SUPT6H: variants seen among roughly 807,000 people sequenced by gnomAD.
The protein encoded by SUPT6H is SPT6 homolog, histone chaperone and transcription elongation factor.
In SUPT6H, 11 loss-of-function variants were observed where a neutral mutation model predicts 222.3. The ratio of observed to expected loss-of-function variants is 0.05; its 90% CI spans 0.03 to 0.08. The LOEUF is 0.08. SUPT6H is among the 10% of genes least tolerant of loss of function. The probability of loss-of-function intolerance (pLI) is 1.00; values close to 1 mark genes in which losing one functional copy is unlikely to be tolerated. For missense variants in SUPT6H, 1,422 were observed against 2,216.0 expected, an observed-to-expected ratio of 0.64 and a Z score of 7.19; for synonymous variants, 762 against 801.2, an observed-to-expected ratio of 0.95 and a Z score of 0.83.
chr17:28,674,659 GC>G, intron 4 of SUPT6H, 46 bp downstream of exon 4: 1 of 1,589,042 alleles, frequency 6.3e-7, no homozygotes, highest in Non-Finnish European at 8.6e-7. Flanking sequence ...AAAGGAAAAA[GC>G]CCTGGAAATT....
In SUPT6H at chr17:28,701,440, T is replaced by A; in HGVS notation, c.4996T>A (p.Ser1666Thr). The A allele has an allele frequency of 6.2e-7, 1 of 1,613,126 alleles. No individual in the cohort carries two copies. The highest frequency in any genetic ancestry group is 8.5e-7 in the Non-Finnish European group (1 of 1,179,292). Residue 1666 changes from serine to threonine, a missense_variant and splice_region_variant, in exon 37 of 37, where the codon TCC (serine) becomes ACC (threonine). By Grantham distance (58) the Ser-to-Thr change is moderately conservative (BLOSUM62 1). This residue lies in a region of SUPT6H where 395 missense variants were observed against 580.6 expected (regional missense o/e 0.68). Coordinates refer to ENST00000314616, the MANE Select transcript of SUPT6H (RefSeq NM_003170.5). ...TCTCAACTTTTCTTCCCCTCCCAGG[T>A]CCAACAGCCATGCAGCCATCGACTG... ...SSRQRQQQPK[S>T]NSHAAIDWGK...
At chr17:28,689,286 G>A in intron 24 of SUPT6H, 68 bp from the exon 25 acceptor site, 4 of 1,477,872 alleles carry the variant, frequency 2.7e-6, no homozygotes, top group Non-Finnish European at 3.8e-6. Context: ...TTCCCCATTG[G>A]TGGACATTTG....
chr17:28,684,717 C>T lies in SUPT6H; in HGVS notation c.2361C>T (p.Ser787=). ...TTCGAGTCCTCGGCATTGCTTTCTC[C>T]TCTGCCAGGTAACAGCCTATTTTTG... is the stretch of plus-strand genomic sequence containing the variant. ...KGIRVLGIAF[S]SARDHPVFCA... is the part of the protein sequence containing the mutation. Residue 787 remains serine (S), a synonymous_variant, in exon 18 of 37, where the codon TCC becomes TCT. Coordinates refer to ENST00000314616, the MANE Select transcript of SUPT6H (RefSeq NM_003170.5). 3 of 1,614,232 alleles carry T rather than the reference C, an allele frequency of 1.9e-6. No individual in the cohort carries two copies. The highest frequency in any genetic ancestry group is 2.5e-6 in the Non-Finnish European group (3 of 1,180,046).
rs372505724 is a variant in SUPT6H at position 28,676,187 on chromosome 17, T to C, written c.654T>C (p.Gly218=). ...AALQEAQEIF[G]VDFDYDEFEK... ...TGCAAGAAGCCCAGGAAATCTTCGG[T>C]GTGGACTTTGACTATGATGAATTTG... Residue 218 remains glycine (G), a synonymous_variant, in exon 7 of 37, where the codon GGT becomes GGC. Coordinates refer to ENST00000314616, the MANE Select transcript of SUPT6H (RefSeq NM_003170.5). 16 of 1,603,588 alleles carry C rather than the reference T, an allele frequency of 1.0e-5. No individual in the cohort carries two copies. Among genetic ancestry groups the C allele is most frequent in the Non-Finnish European group, 1.4e-5 (16 of 1,175,030 alleles).
At chr17:28,698,633 C>T (rs1567706260) in intron 32 of SUPT6H, among the ~76,000 whole-genome samples, 1 of 152,242 alleles carries the variant, frequency 6.6e-6, no homozygotes, top group Non-Finnish European at 1.5e-5. Context: ...GTGATACAGA[C>T]TGGTAATCAC....
intron 1 of SUPT6H, among the ~76,000 whole-genome samples, chr17:28,664,702 T>C: frequency 6.6e-6 from 1 of 152,210 alleles, no homozygotes; most frequent in Non-Finnish European, 1.5e-5. Flanking sequence ...ATTATCTCCA[T>C]TTGGATATTT....
chr17:28,700,911 A>C (rs746670005), intron 35 of SUPT6H, 30 bp from the exon 36 acceptor site: 12 of 1,585,258 alleles, frequency 7.6e-6, no homozygotes, highest in Non-Finnish European at 9.5e-6. Context: ...CCCCACACCC[A>C]TCCCTATTTA....
intron 1 of SUPT6H, among the ~76,000 whole-genome samples, chr17:28,665,379 A>T (rs796309380): frequency 4.6e-5 from 7 of 152,302 alleles, no homozygotes; most frequent in African/African-American, 1.7e-4. Flanking sequence ...ATTTGTTGCC[A>T]ATATGTCTCC....
At chr17:28,693,982 G>A (rs2031790948) in intron 28 of SUPT6H, 146 bp downstream of exon 28, 2 of 1,084,532 alleles carry the variant, frequency 1.8e-6, no homozygotes, top group African/African-American at 3.2e-5. Context: ...TTTATAACTA[G>A]TTGAAAGAAG....
At chr17:28,692,023 T>C (rs1230733486) in intron 27 of SUPT6H, among the ~76,000 whole-genome samples, 3 of 151,276 alleles carry the variant, frequency 2.0e-5, no homozygotes, top group African/African-American at 7.3e-5. Flanking sequence ...ATCTCCTTTT[T>C]TAAAAAAAGG....
rs560787222 is a variant in SUPT6H at position 28,680,490 on chromosome 17, G to A, written c.1350-766G>A. ...GTGCGTGCCTGTGATCCCAGCTCGCGAGGCTGAGGCAGGAGAATCTCTTAA... is the reference window on the plus strand; with the variant it reads ...GTGCGTGCCTGTGATCCCAGCTCGCAAGGCTGAGGCAGGAGAATCTCTTAA... On this transcript the variant is annotated intron_variant, in intron 11 of 36. Transcript: ENST00000314616. 4.0e-5 allele frequency among the ~76,000 whole-genome samples: 6 copies of A among 151,836 alleles called. No individual in the cohort carries two copies. In the East Asian group the frequency reaches 5.8e-4, roughly 15 times the overall value.
Position 28,684,848 on chromosome 17 carries a change from C to A in SUPT6H, c.2374C>A (p.His792Asn), listed in dbSNP as rs763759055. The A allele has an allele frequency of 6.2e-6, 10 of 1,614,192 alleles. No homozygotes were observed. The highest frequency in any genetic ancestry group is 8.5e-6 in the Non-Finnish European group (10 of 1,180,030). The change falls in exon 19 of 37, where the codon CAC becomes AAC. Residue 792 changes from histidine (H) to asparagine (N), a missense_variant. Physicochemically the swap from His to Asn is moderately conservative, Grantham distance 68 (BLOSUM62 1). This residue lies in a region of SUPT6H where 294 missense variants were observed against 382.1 expected (regional missense o/e 0.77). Transcript: ENST00000314616. ...GTTTTTCTGTCTGTCTGGCAGAGAT[C>A]ACCCTGTGTTCTGCGCCCTGGTCAA... ...LGIAFSSARD[H>N]PVFCALVNGE...
intron 24 of SUPT6H, 159 bp from the exon 25 acceptor site, chr17:28,689,195 A>G: frequency 1.6e-6 from 1 of 644,594 alleles, no homozygotes; most frequent in South Asian, 2.0e-5. Flanking sequence ...TTTCCATGTC[A>G]GCACACATAG....
rs1039081049 is a variant in SUPT6H at position 28,683,297 on chromosome 17, C to T, written c.1908C>T (p.Ser636=). Residue 636 remains serine (S), a synonymous_variant, in exon 16 of 37, where the codon TCC becomes TCT. Transcript: ENST00000314616. ...KDVDEAHYAY[S]FKYLKNKPVK... ...TGGATGAGGCCCACTATGCCTATTC[C>T]TTCAAGTATTTAAAGAACAAGCCTG... 6.2e-7 allele frequency: 1 copy of T among 1,614,196 alleles called. No individual in the cohort carries two copies. Among genetic ancestry groups the T allele is most frequent in the Admixed American group, 1.7e-5 (1 of 60,022 alleles).
intron 1 of SUPT6H, among the ~76,000 whole-genome samples, chr17:28,667,405 GTATATATATATATA>G (rs59286877): frequency 0.017 from 829 of 49,324 alleles, 44 homozygotes; most frequent in African/African-American, 0.063. Context: ...GTGTGTGTGT[GTATATATATATATA>G]TATATATATA....
chr17:28,678,296 T>C, intron 9 of SUPT6H, 104 bp downstream of exon 9: 1 of 1,036,388 alleles, frequency 9.6e-7, no homozygotes, highest in Non-Finnish European at 1.5e-6. Flanking sequence ...CCGTATCCCC[T>C]ATCCATGACT....
intron 1 of SUPT6H, among the ~76,000 whole-genome samples, chr17:28,667,756 C>T (rs964249844): frequency 6.6e-6 from 1 of 151,800 alleles, no homozygotes; most frequent in African/African-American, 2.4e-5. Context: ...AGTTATATAA[C>T]TTAACATAAC....
chr17:28,667,811 AGAT>A (rs1434397818), intron 1 of SUPT6H, among the ~76,000 whole-genome samples: 1 of 151,906 alleles, frequency 6.6e-6, no homozygotes, highest in African/African-American at 2.4e-5. Context: ...TTTTTGAGAT[AGAT>A]TGTGAACTCC....
chr17:28,684,823 G>A (rs759141228), intron 18 of SUPT6H, 21 bp from the exon 19 acceptor site: 5 of 1,613,956 alleles, frequency 3.1e-6, no homozygotes, highest in East Asian at 2.2e-5. Flanking sequence ...TTGCATTCTT[G>A]TTTTTCTGTC....
Sources: gnomAD v4.1 joint callset for allele counts (sites outside exome capture counted in the v4.1 genomes callset) on GRCh38, gnomAD v4.1.1 for gene constraint, gnomAD v4.1.1 regional missense constraint, MANE v1.5 for transcripts, NCBI Gene and HGNC (gene_info 2026-07-23, HGNC 2026-07-21) for gene names.